Variants in TAFA2 observed in about 807,000 individuals in gnomAD.
The protein encoded by TAFA2 is chemokine-like protein TAFA-2.
Under a neutral mutation model 18.8 loss-of-function variants are expected in TAFA2, and 7 were observed. The ratio of observed to expected loss-of-function variants is 0.37; its 90% CI spans 0.21 to 0.70. TAFA2 has a LOEUF of 0.70. Among genes scored for constraint, TAFA2 ranks in the 30% least tolerant of loss-of-function variants. TAFA2 has a pLI of 0.53. For missense variants in TAFA2, 122 were observed against 158.1 expected (o/e 0.77, Z 1.23); for synonymous variants, 60 against 54.2 (o/e 1.11, Z -0.47).
At chr12:61,926,125 C>T (rs1877280058) in intron 1 of TAFA2, among the ~76,000 whole-genome samples, 1 of 152,160 alleles carries the variant, frequency 6.6e-6, no homozygotes, top group African/African-American at 2.4e-5. Context: ...TTCCTGGTCA[C>T]ATATACCCTT....
At chr12:61,724,795 G>GTA (rs1188394943) in intron 4 of TAFA2, among the ~76,000 whole-genome samples, 4,056 of 82,992 alleles carry the variant, frequency 0.049, 58 homozygotes, top group African/African-American at 0.069. Flanking sequence ...GTGTGTGTGT[G>GTA]TGTGTGTATA....
intron 1 of TAFA2, among the ~76,000 whole-genome samples, chr12:62,116,714 A>G (rs1009168): frequency 0.23 from 34,105 of 151,216 alleles, 4,207 homozygotes; most frequent in East Asian, 0.37. Context: ...CCTGGAAAAC[A>G]GCAGACACTA....
rs991302280 is a variant in TAFA2 at position 61,709,325 on chromosome 12, G to A, written c.*1081C>T. The A allele has an allele frequency of 2.0e-5, 3 of 152,182 alleles. No individual in the cohort carries two copies. Among genetic ancestry groups the A allele is most frequent in the African/African-American group, 7.2e-5 (3 of 41,396 alleles). The allele number at this position is 152,182 out of a possible 1,614,324, so 9.4% of individuals were successfully genotyped here. ...ACTGTAAGCAAATATTTATAAATTT[G>A]AGACTGAGGAAAATGAACAATTTTT... On this transcript the variant is annotated 3_prime_UTR_variant, in exon 5 of 5. Coordinates refer to ENST00000416284, the MANE Select transcript of TAFA2 (RefSeq NM_178539.5).
chr12:62,219,435 T>G (rs531000687), intron 1 of TAFA2, among the ~76,000 whole-genome samples: 1 of 152,260 alleles, frequency 6.6e-6, no homozygotes, highest in East Asian at 1.9e-4. Context: ...ACCCCAGAAT[T>G]TAAATTAAAT....
intron 1 of TAFA2, among the ~76,000 whole-genome samples, chr12:62,050,529 GCCA>G (rs1882025109): frequency 6.6e-6 from 1 of 151,084 alleles, no homozygotes; most frequent in Non-Finnish European, 1.5e-5. Flanking sequence ...CCGAGATAGT[GCCA>G]CTGCACTCCA....
At chr12:61,997,726 A>T (rs932277757) in intron 1 of TAFA2, among the ~76,000 whole-genome samples, 1 of 152,158 alleles carries the variant, frequency 6.6e-6, no homozygotes, top group Non-Finnish European at 1.5e-5. Context: ...GAAGGGAAGA[A>T]GAAACCATTC....
chr12:62,173,284 G>A (rs911315031), intron 1 of TAFA2, among the ~76,000 whole-genome samples: 2 of 151,956 alleles, frequency 1.3e-5, no homozygotes, highest in Non-Finnish European at 2.9e-5. Context: ...CACGTCGTGC[G>A]CGCCTGTAAT....
At chr12:61,768,365 C>T (rs1162029856) in intron 2 of TAFA2, among the ~76,000 whole-genome samples, 1 of 152,114 alleles carries the variant, frequency 6.6e-6, no homozygotes, top group Non-Finnish European at 1.5e-5. Flanking sequence ...ATGGACAGAG[C>T]AGCTTGTGGA....
intron 1 of TAFA2, among the ~76,000 whole-genome samples, chr12:62,229,019 G>A (rs935843643): frequency 6.6e-6 from 1 of 151,260 alleles, no homozygotes; most frequent in Non-Finnish European, 1.5e-5. Flanking sequence ...TTTTCAGTTG[G>A]CTGTTGGCAT....
intron 1 of TAFA2, among the ~76,000 whole-genome samples, chr12:61,971,975 G>T (rs1277980744): frequency 6.6e-6 from 1 of 151,722 alleles, no homozygotes; most frequent in African/African-American, 2.4e-5. Context: ...AACAGCCATT[G>T]TAAATTGATT....
At chr12:62,175,426 AT>A (rs2062505954) in intron 1 of TAFA2, among the ~76,000 whole-genome samples, 1 of 152,228 alleles carries the variant, frequency 6.6e-6, no homozygotes, top group South Asian at 2.1e-4. Context: ...ACTATAAAAA[AT>A]GTAAATATTA....
At chr12:62,100,213 C>T (rs77106588) in intron 1 of TAFA2, among the ~76,000 whole-genome samples, 1,917 of 151,466 alleles carry the variant, frequency 0.013, 53 homozygotes, top group African/African-American at 0.044. Context: ...GGGTGGGAAA[C>T]GAGAACACCA....
At chr12:62,057,439 G>A (rs1882216774) in intron 1 of TAFA2, among the ~76,000 whole-genome samples, 2 of 151,932 alleles carry the variant, frequency 1.3e-5, no homozygotes, top group South Asian at 4.2e-4. Flanking sequence ...CTAAAACTGT[G>A]TTTTCTTTCT....
At chr12:62,025,512 C>T (rs1881282982) in intron 1 of TAFA2, among the ~76,000 whole-genome samples, 1 of 152,094 alleles carries the variant, frequency 6.6e-6, no homozygotes, top group African/African-American at 2.4e-5. Flanking sequence ...CAGCCCTTCT[C>T]TCAGTAGGAA....
Position 61,760,211 on chromosome 12 carries a change from G to A in TAFA2, c.107-5187C>T, listed in dbSNP as rs1055868598. On this transcript the variant is annotated intron_variant, in intron 2 of 4. Transcript: ENST00000416284. ...AAACTGAAGGTGTAAAACTTTTTAT[G>A]GGGAAGAGAAGAGAGGTAACCTTTT... Among the ~76,000 whole-genome samples, 17 of 150,968 alleles carry A rather than the reference G, an allele frequency of 1.1e-4. 1 individual carries two copies. In the East Asian group the frequency reaches 3.3e-3, roughly 30 times the overall value.
chr12:61,974,854 T>C (rs1157388972), intron 1 of TAFA2, among the ~76,000 whole-genome samples: 3 of 151,910 alleles, frequency 2.0e-5, no homozygotes, highest in Admixed American at 1.3e-4. Flanking sequence ...AAAAGCCTCT[T>C]ACGTCTCAAT....
intron 2 of TAFA2, among the ~76,000 whole-genome samples, chr12:61,787,014 C>A (rs557174814): frequency 6.6e-6 from 1 of 151,206 alleles, no homozygotes; most frequent in Non-Finnish European, 1.5e-5. Context: ...TAAACTTAAC[C>A]GCATAAGTAA....
chr12:61,711,245 GAGA>G (rs1487862236), intron 4 of TAFA2, among the ~76,000 whole-genome samples: 3 of 151,752 alleles, frequency 2.0e-5, no homozygotes, highest in Non-Finnish European at 4.4e-5. Flanking sequence ...CAGGGAGAGG[GAGA>G]AGAAGAGAGA....
intron 1 of TAFA2, among the ~76,000 whole-genome samples, chr12:62,197,931 GTGAACC>G (rs2062655474): frequency 1.3e-5 from 2 of 152,288 alleles, no homozygotes; most frequent in Non-Finnish European, 1.5e-5. Context: ...AAGGCTTTGA[GTGAACC>G]TATGTTTTCA....
Sources: gnomAD v4.1 joint callset for allele counts (sites outside exome capture counted in the v4.1 genomes callset) on GRCh38, gnomAD v4.1.1 for gene constraint, MANE v1.5 for transcripts, NCBI Gene and HGNC (gene_info 2026-07-23, HGNC 2026-07-21) for gene names.